Variants in ERBB4 observed in about 807,000 individuals in gnomAD.
ERBB4 encodes erb-b2 receptor tyrosine kinase 4.
ERBB4 carries 42 observed loss-of-function variants against 158.0 expected under a neutral mutation model. That is an observed-to-expected ratio of 0.27 (90% CI 0.21 to 0.34). ERBB4 has a LOEUF of 0.34. ERBB4 is among the 10% of genes least tolerant of loss of function. The pLI is 1.00. For synonymous variants in ERBB4, 583 were observed against 558.7 expected, an observed-to-expected ratio of 1.04 and a Z score of -0.61; for missense variants, 1,333 against 1,624.1, an observed-to-expected ratio of 0.82 and a Z score of 3.08.
chr2:212,340,737 A>G (rs1288359048), intron 1 of ERBB4, among the ~76,000 whole-genome samples: 2 of 152,186 alleles, frequency 1.3e-5, no homozygotes, highest in Admixed American at 1.3e-4. Context: ...CCCACTGCTC[A>G]CCTACCTGCG....
intron 1 of ERBB4, among the ~76,000 whole-genome samples, chr2:212,377,338 A>G (rs1474947166): frequency 1.3e-5 from 2 of 151,366 alleles, no homozygotes; most frequent in African/African-American, 4.8e-5. Flanking sequence ...ATGTTCTGAT[A>G]AATGTGTCAT....
At chr2:212,279,575 T>C (rs2085674752) in intron 1 of ERBB4, among the ~76,000 whole-genome samples, 2 of 151,660 alleles carry the variant, frequency 1.3e-5, no homozygotes, top group South Asian at 4.1e-4. Context: ...TGTTTCTATT[T>C]ATCTTCATCC....
At chr2:212,448,168 C>T (rs2092391099) in intron 1 of ERBB4, among the ~76,000 whole-genome samples, 1 of 152,128 alleles carries the variant, frequency 6.6e-6, no homozygotes, top group African/African-American at 2.4e-5. Flanking sequence ...TACAGGCACT[C>T]TTTTAAGGTA....
chr2:211,984,613 T>C (rs1203458613), intron 2 of ERBB4, among the ~76,000 whole-genome samples: 2 of 152,050 alleles, frequency 1.3e-5, no homozygotes, highest in Non-Finnish European at 2.9e-5. Context: ...ATGCCTAGTA[T>C]GCTGATGGAA....
chr2:211,585,743 T>C (rs2068255850), intron 19 of ERBB4, among the ~76,000 whole-genome samples: 1 of 152,124 alleles, frequency 6.6e-6, no homozygotes, highest in Admixed American at 6.5e-5. Flanking sequence ...TACATTTGTA[T>C]TAGGTAAAGC....
chr2:211,461,079 T>C (rs1235871485), intron 20 of ERBB4, among the ~76,000 whole-genome samples: 1 of 118,830 alleles, frequency 8.4e-6, no homozygotes, highest in East Asian at 3.8e-4. Flanking sequence ...CTCCTAGAGA[T>C]TGGGGGAAAA....
chr2:212,296,568 T>C (rs2086419763), intron 1 of ERBB4, among the ~76,000 whole-genome samples: 1 of 151,932 alleles, frequency 6.6e-6, no homozygotes, highest in African/African-American at 2.4e-5. Context: ...CTCTTCTCTC[T>C]CTCTGCCTCT....
intron 1 of ERBB4, among the ~76,000 whole-genome samples, chr2:212,410,259 A>C (rs1358182331): frequency 1.8e-5 from 2 of 112,448 alleles, no homozygotes; most frequent in Admixed American, 1.6e-4. Context: ...TATTTGTGTT[A>C]GTGTGAGTTA....
Position 212,124,846 on chromosome 2 carries a change from C to T in ERBB4, c.140G>A (p.Arg47Gln), listed in dbSNP as rs748447524. 4 of 1,614,134 alleles carry T rather than the reference C, an allele frequency of 2.5e-6. No individual in the cohort carries two copies. The highest frequency in any genetic ancestry group is 3.4e-6 in the Non-Finnish European group (4 of 1,179,976). ...SSLSDLEQQY[R>Q]ALRKYYENCE... ...GTTTTCATAGTACTTGCGCAAGGCTCGGTACTGCTGTTCCAGGTCAGAGAG... is the reference window on the plus strand; with the variant it reads ...GTTTTCATAGTACTTGCGCAAGGCTTGGTACTGCTGTTCCAGGTCAGAGAG... Residue 47 changes from arginine to glutamine, a missense_variant, in exon 2 of 28, where the codon CGA (arginine) becomes CAA (glutamine). Coordinates refer to ENST00000342788, the MANE Select transcript of ERBB4 (RefSeq NM_005235.3).
At chr2:211,723,494 TTC>T (rs891175524) in intron 6 of ERBB4, among the ~76,000 whole-genome samples, 2 of 152,184 alleles carry the variant, frequency 1.3e-5, no homozygotes, top group Non-Finnish European at 2.9e-5. Flanking sequence ...CATTAATTTA[TTC>T]TGTTTCCTCA....
At chr2:212,113,505 C>T (rs758212360) in intron 2 of ERBB4, among the ~76,000 whole-genome samples, 16 of 126,318 alleles carry the variant, frequency 1.3e-4, no homozygotes, top group Non-Finnish European at 2.5e-4. Context: ...ACCCGGGAGG[C>T]GGAGCTTGCA....
At chr2:212,201,559 T>TA (rs1354886214) in intron 1 of ERBB4, among the ~76,000 whole-genome samples, 3 of 152,210 alleles carry the variant, frequency 2.0e-5, no homozygotes, top group Admixed American at 2.0e-4. Context: ...TAATGTTCTT[T>TA]AAATAATATT....
chr2:211,868,892 A>G (rs963252532), intron 3 of ERBB4, among the ~76,000 whole-genome samples: 16 of 152,248 alleles, frequency 1.1e-4, no homozygotes, highest in Non-Finnish European at 4.4e-5. Flanking sequence ...CTAAGTCCCA[A>G]TTTTCCTTAC....
intron 25 of ERBB4, among the ~76,000 whole-genome samples, chr2:211,409,734 C>A (rs1205699050): frequency 6.6e-6 from 1 of 152,028 alleles, no homozygotes; most frequent in South Asian, 2.1e-4. Context: ...TGGGGGGAAC[C>A]AATAGAGCAA....
Position 211,565,293 on chromosome 2 carries a change from G to A in ERBB4, c.2302-3205C>T, listed in dbSNP as rs185121661. On this transcript the variant is annotated intron_variant, in intron 19 of 27. Transcript: ENST00000342788. ...ATCAGAAATCATATAGCTGTGGGAA[G>A]ATGGGACAGAGTATGCCCTTCTGAA... is the stretch of plus-strand genomic sequence containing the variant. 6.1e-3 allele frequency among the ~76,000 whole-genome samples: 802 copies of A among 131,944 alleles called. 10 individuals are homozygous for A. The highest frequency in any genetic ancestry group is 0.04 in the South Asian group (182 of 4,604). 86.6% of individuals were successfully genotyped at this position (131,944 alleles called of 152,430 possible). A position where few individuals can be genotyped will look rare whatever the true frequency, so the allele number is the denominator to read the frequency against.
intron 1 of ERBB4, among the ~76,000 whole-genome samples, chr2:212,244,488 T>C (rs1173495023): frequency 6.6e-6 from 1 of 152,186 alleles, no homozygotes; most frequent in Admixed American, 6.5e-5. Context: ...GAATGGGCAT[T>C]GAGAAAGTAA....
intron 3 of ERBB4, among the ~76,000 whole-genome samples, chr2:211,935,540 A>G (rs1229174217): frequency 6.6e-6 from 1 of 152,100 alleles, no homozygotes. Context: ...CTGCACCCTA[A>G]GGCCTTTGAT....
chr2:211,468,050 G>T (rs2064739410), intron 20 of ERBB4, among the ~76,000 whole-genome samples: 1 of 152,102 alleles, frequency 6.6e-6, no homozygotes, highest in African/African-American at 2.4e-5. Context: ...GAAGTGGATG[G>T]ATTATATAAA....
intron 1 of ERBB4, among the ~76,000 whole-genome samples, chr2:212,332,344 G>A (rs2088218187): frequency 6.6e-6 from 1 of 152,016 alleles, no homozygotes; most frequent in African/African-American, 2.4e-5. Flanking sequence ...ATGTGGAACT[G>A]TAAGTCCATT....
Sources: gnomAD v4.1 joint callset for allele counts (sites outside exome capture counted in the v4.1 genomes callset) on GRCh38, gnomAD v4.1.1 for gene constraint, MANE v1.5 for transcripts, NCBI Gene and HGNC (gene_info 2026-07-23, HGNC 2026-07-21) for gene names.